ROBO2: variants seen among roughly 807,000 people sequenced by gnomAD.
ROBO2 encodes roundabout homolog 2.
ROBO2 carries 53 observed loss-of-function variants against 160.8 expected under a neutral mutation model. That is an observed-to-expected ratio of 0.33 (90% CI 0.26 to 0.41). The LOEUF is 0.41. Ranked by LOEUF, ROBO2 falls within the 10% of genes least tolerant of loss-of-function variation. The pLI, the probability that ROBO2 is intolerant of heterozygous loss-of-function variation, is 1.00. For missense variants in ROBO2, 1,577 were observed against 1,722.4 expected, an observed-to-expected ratio of 0.92 and a Z score of 1.49; for synonymous variants, 664 against 611.7, an observed-to-expected ratio of 1.09 and a Z score of -1.26.
chr3:77,171,141 T>G (rs1461839969), intron 2 of ROBO2, among the ~76,000 whole-genome samples: 1 of 152,196 alleles, frequency 6.6e-6, no homozygotes, highest in Admixed American at 6.5e-5. Context: ...TTTCTCCTCG[T>G]CACTGACAGA....
At chr3:77,241,170 T>G (rs2088981891) in intron 2 of ROBO2, among the ~76,000 whole-genome samples, 1 of 152,238 alleles carries the variant, frequency 6.6e-6, no homozygotes, top group African/African-American at 2.4e-5. Context: ...AGTGACATAT[T>G]GTAGACATAT....
chr3:77,636,101 C>T (rs987798455), intron 24 of ROBO2, among the ~76,000 whole-genome samples: 5 of 152,040 alleles, frequency 3.3e-5, no homozygotes, highest in African/African-American at 7.2e-5. Flanking sequence ...TGCCAAAGGC[C>T]CCACCTCCCA....
chr3:76,063,459 C>T (rs1046065583), intron 2 of ROBO2, among the ~76,000 whole-genome samples: 1 of 151,636 alleles, frequency 6.6e-6, no homozygotes, highest in Non-Finnish European at 1.5e-5. Context: ...ATCCTCCCAC[C>T]TCAGACCCCT....
chr3:76,847,145 A>G (rs888633270), intron 2 of ROBO2, among the ~76,000 whole-genome samples: 1 of 152,150 alleles, frequency 6.6e-6, no homozygotes, highest in Non-Finnish European at 1.5e-5. Context: ...TTTTGATTAG[A>G]AGGTGAGGTG....
intron 2 of ROBO2, among the ~76,000 whole-genome samples, chr3:76,149,782 C>A (rs2072084486): frequency 7.0e-6 from 1 of 143,614 alleles, no homozygotes; most frequent in African/African-American, 2.5e-5. Context: ...CTAAAGCACA[C>A]ATCATCAGTC....
At chr3:77,298,266 G>A (rs2062332713) in intron 2 of ROBO2, among the ~76,000 whole-genome samples, 1 of 152,118 alleles carries the variant, frequency 6.6e-6, no homozygotes, top group African/African-American at 2.4e-5. Flanking sequence ...AACGCAGAGG[G>A]CCATTTACTA....
At chr3:77,071,286 G>T (rs1011199833) in intron 1 of ROBO2, among the ~76,000 whole-genome samples, 1 of 152,048 alleles carries the variant, frequency 6.6e-6, no homozygotes, top group African/African-American at 2.4e-5. Context: ...TCCAGGCCCG[G>T]AAAACTTACA....
At position 76,441,926 on chromosome 3, in the gene ROBO2, T is replaced by C. The variant is rs773724601; in HGVS notation, c.109+504324T>C. 4.3e-4 allele frequency among the ~76,000 whole-genome samples: 66 copies of C among 152,168 alleles called. 1 individual carries two copies. The highest frequency in any genetic ancestry group is 7.9e-4 in the Non-Finnish European group (54 of 68,038). ...TCTGCCTTTAATTTAGTAAATGTGC[T>C]ACATTTAAGGGGACAGAGGAAGCAA... On this transcript the variant is annotated intron_variant, in intron 2 of 26. Coordinates refer to the ROBO2 transcript ENST00000487694.
At chr3:76,107,692 A>G (rs1266905891) in intron 2 of ROBO2, among the ~76,000 whole-genome samples, 1 of 152,114 alleles carries the variant, frequency 6.6e-6, no homozygotes, top group East Asian at 1.9e-4. Context: ...CAGTTACACA[A>G]TTATACTCAA....
chr3:76,364,610 T>C (rs944270670), intron 2 of ROBO2, among the ~76,000 whole-genome samples: 6 of 152,096 alleles, frequency 3.9e-5, no homozygotes, highest in Admixed American at 1.3e-4. Flanking sequence ...GTATTATTTG[T>C]TTTATTATTC....
chr3:76,457,291 A>G (rs901265946), intron 2 of ROBO2, among the ~76,000 whole-genome samples: 2 of 152,218 alleles, frequency 1.3e-5, no homozygotes, highest in African/African-American at 4.8e-5. Context: ...ATTCCAAATG[A>G]GAGAAATTGG....
chr3:77,477,830 C>CTTTTTTTTTT (rs11371687), intron 3 of ROBO2, among the ~76,000 whole-genome samples: 2 of 84,472 alleles, frequency 2.4e-5, no homozygotes, highest in Non-Finnish European at 4.2e-5. Context: ...TATTTTAGCT[C>CTTTTTTTTTT]TTTTTTTTTT....
chr3:76,788,464 G>A (rs1256013455), intron 2 of ROBO2, among the ~76,000 whole-genome samples: 1 of 151,430 alleles, frequency 6.6e-6, no homozygotes, highest in African/African-American at 2.4e-5. Flanking sequence ...AAGTTAATGT[G>A]TCTAAGTTTA....
intron 2 of ROBO2, among the ~76,000 whole-genome samples, chr3:76,731,209 A>T (rs758294724): frequency 6.6e-6 from 1 of 152,240 alleles, no homozygotes; most frequent in Non-Finnish European, 1.5e-5. Flanking sequence ...ACATGACAAC[A>T]TTATAATTCA....
At chr3:77,385,082 T>A (rs893600213) in intron 2 of ROBO2, among the ~76,000 whole-genome samples, 5 of 152,212 alleles carry the variant, frequency 3.3e-5, no homozygotes, top group Non-Finnish European at 7.3e-5. Context: ...CAGGCTGGAG[T>A]GCAGTGGCAT....
intron 2 of ROBO2, among the ~76,000 whole-genome samples, chr3:75,956,649 T>C (rs1037901139): frequency 2.6e-5 from 4 of 151,710 alleles, no homozygotes; most frequent in Non-Finnish European, 4.4e-5. Flanking sequence ...ATAATGTTGT[T>C]GTTAATATTG....
chr3:76,904,552 T>C (rs2148892883), intron 2 of ROBO2, among the ~76,000 whole-genome samples: 1 of 152,238 alleles, frequency 6.6e-6, no homozygotes, highest in Middle Eastern at 3.4e-3. Flanking sequence ...TTCATCTCTC[T>C]TCAGTGAGAG....
chr3:76,709,826 A>G (rs1187228395), intron 2 of ROBO2, among the ~76,000 whole-genome samples: 1 of 152,210 alleles, frequency 6.6e-6, no homozygotes, highest in Non-Finnish European at 1.5e-5. Flanking sequence ...AAATGTCAAT[A>G]CTGAAAGAGA....
intron 2 of ROBO2, among the ~76,000 whole-genome samples, chr3:76,475,760 C>T (rs1049444135): frequency 8.5e-5 from 13 of 152,190 alleles, no homozygotes; most frequent in Middle Eastern, 3.2e-3. Flanking sequence ...TAATGTTAGA[C>T]GTGAGATTCC....
Sources: allele counts gnomAD v4.1 joint callset (sites outside exome capture counted in the v4.1 genomes callset), GRCh38; gene constraint gnomAD v4.1.1; transcripts MANE v1.5; gene names NCBI Gene and HGNC (gene_info 2026-07-23, HGNC 2026-07-21).